Variants in SLC6A13 observed in about 807,000 individuals in gnomAD.
The protein encoded by SLC6A13 is solute carrier family 6 member 13.
SLC6A13 carries 69 observed loss-of-function variants against 72.9 expected under a neutral mutation model. The observed-to-expected ratio is 0.95, with a 90% confidence interval of 0.78 to 1.16. SLC6A13 has a LOEUF of 1.16. SLC6A13 is among the 50% of genes most tolerant of loss of function. The pLI, the probability that SLC6A13 is intolerant of heterozygous loss-of-function variation, is 0.00. For synonymous variants in SLC6A13, 303 were observed against 303.0 expected, an observed-to-expected ratio of 1.00 and a Z score of 0.00; for missense variants, 735 against 760.5, an observed-to-expected ratio of 0.97 and a Z score of 0.39.
intron 10 of SLC6A13, 53 bp downstream of exon 10, chr12:224,348 A>C (rs1423983856): frequency 6.6e-7 from 1 of 1,508,952 alleles, no homozygotes; most frequent in Non-Finnish European, 9.2e-7. Flanking sequence ...CCTCCTCCCC[A>C]GCACACACCC....
chr12:229,892 G>T (rs1941635929), intron 7 of SLC6A13, among the ~76,000 whole-genome samples: 1 of 152,198 alleles, frequency 6.6e-6, no homozygotes, highest in Admixed American at 6.5e-5. Context: ...CGGCAGGGGT[G>T]GGAGGTCGGA....
chr12:252,292 A>C (rs1295039156), intron 2 of SLC6A13, among the ~76,000 whole-genome samples: 4 of 152,356 alleles, frequency 2.6e-5, no homozygotes, highest in Admixed American at 6.5e-5. Context: ...AAACTAGTTT[A>C]GTTTGCATTT....
chr12:220,789 G>A lies in SLC6A13; in HGVS notation c.*159C>T, dbSNP rs1199957526. ...ACAACCCCTGAGCTGAAAAGTTGCA[G>A]TGGGAGGCCTCCAGCTCAGCAGGTG... On this transcript the variant is annotated 3_prime_UTR_variant, in exon 15 of 15. Coordinates refer to ENST00000343164, the MANE Select transcript of SLC6A13 (RefSeq NM_016615.5). 2 of 794,894 alleles carry A rather than the reference G, an allele frequency of 2.5e-6. No individual in the cohort carries two copies. The highest frequency in any genetic ancestry group is 3.9e-6 in the Non-Finnish European group (2 of 512,512). The allele number at this position is 794,894 out of a possible 1,614,324, so 49.2% of individuals were successfully genotyped here.
intron 2 of SLC6A13, among the ~76,000 whole-genome samples, chr12:252,591 T>C (rs192475638): frequency 6.6e-6 from 1 of 152,222 alleles, no homozygotes; most frequent in East Asian, 1.9e-4. Flanking sequence ...GGGGACTTGA[T>C]CATGAGGACA....
At position 223,057 on chromosome 12, in the gene SLC6A13, T is replaced by C. The variant is rs368166559; in HGVS notation, c.1414+75A>G. 5.0e-4 allele frequency: 449 copies of C among 891,712 alleles called. 10 individuals are homozygous for C. In the South Asian group the frequency reaches 6.2e-3, roughly 12 times the overall value. 55.2% of individuals were successfully genotyped at this position (891,712 alleles called of 1,614,324 possible). A position where few individuals can be genotyped will look rare whatever the true frequency, so the allele number is the denominator to read the frequency against. ...AAAAGTTAAGTGCGAGCAGTAGATG[T>C]CTGTTTCGTGTCTAAGGACCCCAAG... On this transcript the variant is annotated intron_variant, in intron 12 of 14. Coordinates refer to ENST00000343164, the MANE Select transcript of SLC6A13 (RefSeq NM_016615.5).
At chr12:237,318 T>G in intron 5 of SLC6A13, 28 bp from the exon 6 acceptor site, 1 of 1,611,908 alleles carries the variant, frequency 6.2e-7, no homozygotes, top group Non-Finnish European at 8.5e-7. Flanking sequence ...GAACCTGGCT[T>G]ACTTTTTCTG....
chr12:260,301 C>T (rs750303838), intron 1 of SLC6A13, among the ~76,000 whole-genome samples: 1 of 152,242 alleles, frequency 6.6e-6, no homozygotes, highest in Non-Finnish European at 1.5e-5. Context: ...ACAGCCTTTG[C>T]TTCCACTATA....
At chr12:226,575 C>T in intron 8 of SLC6A13, 61 bp from the exon 9 acceptor site, 2 of 1,555,546 alleles carry the variant, frequency 1.3e-6, no homozygotes, top group Non-Finnish European at 1.7e-6. Context: ...TGCAACCTCT[C>T]CTGCTTCCTG....
At chr12:256,059 C>T (rs1942732575) in intron 2 of SLC6A13, among the ~76,000 whole-genome samples, 1 of 152,282 alleles carries the variant, frequency 6.6e-6, no homozygotes. Context: ...CCACCACCCA[C>T]ACCCACACTC....
intron 2 of SLC6A13, chr12:259,637 A>G: frequency 7.0e-7 from 1 of 1,429,772 alleles, no homozygotes; most frequent in Non-Finnish European, 9.1e-7. Flanking sequence ...TCATATTTCT[A>G]CGATGCCACG....
At chr12:227,479 A>G in intron 8 of SLC6A13, 86 bp downstream of exon 8, 1 of 1,583,008 alleles carries the variant, frequency 6.3e-7, no homozygotes, top group Non-Finnish European at 8.6e-7. Flanking sequence ...GAGCTGATGC[A>G]CCCTCCAACT....
chr12:226,620 C>T (rs1941467666), intron 8 of SLC6A13, 106 bp from the exon 9 acceptor site: 1 of 1,395,580 alleles, frequency 7.2e-7, no homozygotes, highest in Admixed American at 2.6e-5. Flanking sequence ...GGACACTGTC[C>T]TGGCCCCTTC....
intron 1 of SLC6A13, among the ~76,000 whole-genome samples, chr12:262,073 G>T (rs909921150): frequency 6.6e-6 from 1 of 152,144 alleles, no homozygotes; most frequent in East Asian, 1.9e-4. Context: ...GTTGTCTAAG[G>T]TACTGACTGT....
chr12:220,858 G>A lies in SLC6A13; in HGVS notation c.*90C>T. On this transcript the variant is annotated 3_prime_UTR_variant, in exon 15 of 15. Transcript: ENST00000343164. ...TTGTCTTATCCACTCCAGGTCGGGG[G>A]CAGGGAAGCACATGGGGCTGCTTCT... is the stretch of plus-strand genomic sequence containing the variant. 1.3e-6 allele frequency: 2 copies of A among 1,526,312 alleles called. No homozygotes were observed. Among genetic ancestry groups the A allele is most frequent in the East Asian group, 2.3e-5 (1 of 43,420 alleles). 94.5% of individuals were successfully genotyped at this position (1,526,312 alleles called of 1,614,324 possible).
Position 249,925 on chromosome 12 carries a change from A to T in SLC6A13, c.203-6112T>A, listed in dbSNP as rs551718680. 2.6e-5 allele frequency among the ~76,000 whole-genome samples: 4 copies of T among 152,288 alleles called. No individual in the cohort carries two copies. The East Asian group carries it at 7.7e-4, about 29-fold the overall frequency. On this transcript the variant is annotated intron_variant, in intron 2 of 14. Coordinates refer to ENST00000343164, the MANE Select transcript of SLC6A13 (RefSeq NM_016615.5). ...TATTATATAGTAATGTTTATCCCAG[A>T]GATACAAAGTGGGTTTAACATTTTA...
chr12:259,192 G>T (rs1414717207), intron 2 of SLC6A13: 1 of 912,646 alleles, frequency 1.1e-6, no homozygotes, highest in Non-Finnish European at 1.3e-6. Flanking sequence ...CATCAGCAGA[G>T]CTACTATTTA....
intron 2 of SLC6A13, among the ~76,000 whole-genome samples, chr12:255,417 C>T (rs375409552): frequency 2.6e-5 from 4 of 151,932 alleles, no homozygotes; most frequent in East Asian, 2.0e-4. Context: ...GATGACTGTC[C>T]GGGCGCAGTG....
At chr12:256,271 C>T (rs1942742283) in intron 2 of SLC6A13, among the ~76,000 whole-genome samples, 1 of 152,054 alleles carries the variant, frequency 6.6e-6, no homozygotes, top group African/African-American at 2.4e-5. Context: ...CTGGCTTTTG[C>T]TACGTGCTCA....
chr12:241,161 G>A (rs1020486812), intron 4 of SLC6A13, among the ~76,000 whole-genome samples: 4 of 152,040 alleles, frequency 2.6e-5, no homozygotes, highest in South Asian at 2.1e-4. Flanking sequence ...AAAATTAGCC[G>A]GGCGTGTTGG....
Sources: allele counts gnomAD v4.1 joint callset (sites outside exome capture counted in the v4.1 genomes callset), GRCh38; gene constraint gnomAD v4.1.1; transcripts MANE v1.5; gene names NCBI Gene and HGNC (gene_info 2026-07-23, HGNC 2026-07-21).